The following CTNNA2 variants were observed in gnomAD, a reference collection of about 807,000 sequenced individuals.
The protein encoded by CTNNA2 is catenin alpha-2.
A neutral mutation model predicts 101.0 loss-of-function variants in CTNNA2; 42 were observed. The ratio of observed to expected loss-of-function variants is 0.42; its 90% CI spans 0.32 to 0.54. The LOEUF (loss-of-function observed/expected upper bound fraction) is 0.54, where lower values mean the gene tolerates loss of function less well. CTNNA2 is among the 20% of genes least tolerant of loss of function. The probability of loss-of-function intolerance (pLI) is 0.14; values close to 1 mark genes in which losing one functional copy is unlikely to be tolerated. For synonymous variants in CTNNA2, 450 were observed against 456.4 expected, an observed-to-expected ratio of 0.99 and a Z score of 0.18; for missense variants, 871 against 1,223.1, an observed-to-expected ratio of 0.71 and a Z score of 4.29.
chr2:79,967,114 GCA>G (rs1690125997), intron 7 of CTNNA2, among the ~76,000 whole-genome samples: 1 of 45,054 alleles, frequency 2.2e-5, no homozygotes, highest in Non-Finnish European at 4.8e-5. Flanking sequence ...ACACGCGCAC[GCA>G]CGTGTGTGTG....
At chr2:80,043,154 C>A in intron 7 of CTNNA2, among the ~76,000 whole-genome samples, 1 of 80,800 alleles carries the variant, frequency 1.2e-5, no homozygotes, top group African/African-American at 4.9e-5. Context: ...TCCTTCCTTC[C>A]TTCCTTCCTT....
chr2:80,577,988 A>G (rs566933423), intron 13 of CTNNA2, among the ~76,000 whole-genome samples: 3 of 152,302 alleles, frequency 2.0e-5, no homozygotes, highest in African/African-American at 7.2e-5. Context: ...AGGTGAAATG[A>G]CTGAATCCTT....
chr2:79,292,198 T>G (rs976957569), intron 2 of CTNNA2, among the ~76,000 whole-genome samples: 4 of 152,328 alleles, frequency 2.6e-5, no homozygotes, highest in Admixed American at 2.6e-4. Context: ...GAATGGCTGC[T>G]CACCTCCATA....
intron 18 of CTNNA2, among the ~76,000 whole-genome samples, chr2:80,640,548 T>C (rs893189008): frequency 2.0e-5 from 3 of 152,328 alleles, no homozygotes; most frequent in East Asian, 1.9e-4. Flanking sequence ...CCCTGGACTT[T>C]CTAGAGGTTT....
intron 2 of CTNNA2, among the ~76,000 whole-genome samples, chr2:79,204,689 G>T (rs898450609): frequency 7.2e-5 from 11 of 152,292 alleles, no homozygotes; most frequent in African/African-American, 2.6e-4. Context: ...TGGAGGCTGG[G>T]ATGTCCAAGA....
chr2:80,555,570 A>G (rs2149659320), intron 11 of CTNNA2, 123 bp from the exon 12 acceptor site: 1 of 479,596 alleles, frequency 2.1e-6, no homozygotes, highest in East Asian at 3.2e-5. Context: ...ATACAATTTT[A>G]GTATTATTAG....
chr2:79,976,708 C>T (rs138414792), intron 7 of CTNNA2, among the ~76,000 whole-genome samples: 5 of 152,266 alleles, frequency 3.3e-5, no homozygotes, highest in African/African-American at 4.8e-5. Context: ...AAATTTAATA[C>T]GTTCTTCCAA....
intron 9 of CTNNA2, among the ~76,000 whole-genome samples, chr2:80,519,781 G>T (rs536246107): frequency 6.6e-6 from 1 of 152,272 alleles, no homozygotes; most frequent in South Asian, 2.1e-4. Flanking sequence ...AGTAGTTTGG[G>T]AATAGCTCTA....
intron 6 of CTNNA2, among the ~76,000 whole-genome samples, chr2:79,882,417 A>G (rs1016308946): frequency 6.6e-6 from 1 of 152,138 alleles, no homozygotes; most frequent in African/African-American, 2.4e-5. Flanking sequence ...TGGAGTTATT[A>G]GAGTTGCTGC....
At chr2:80,342,552 T>A (rs1978982) in intron 7 of CTNNA2, among the ~76,000 whole-genome samples, 42,448 of 152,120 alleles carry the variant, frequency 0.28, 6,559 homozygotes, top group East Asian at 0.51. Context: ...TGAAGAGTTT[T>A]ATTTTTTCCT....
intron 7 of CTNNA2, among the ~76,000 whole-genome samples, chr2:80,349,435 C>T (rs917901164): frequency 6.6e-6 from 1 of 152,012 alleles, no homozygotes; most frequent in Non-Finnish European, 1.5e-5. Context: ...TGCTGAAACC[C>T]TAGGAAAGCC....
intron 7 of CTNNA2, among the ~76,000 whole-genome samples, chr2:80,332,324 C>G (rs145686570): frequency 6.6e-6 from 1 of 152,120 alleles, no homozygotes; most frequent in Non-Finnish European, 1.5e-5. Context: ...AAGCTGGCAG[C>G]CTCTGGATCT....
At chr2:80,354,970 G>A (rs1259316779) in intron 7 of CTNNA2, among the ~76,000 whole-genome samples, 1 of 152,080 alleles carries the variant, frequency 6.6e-6, no homozygotes, top group Non-Finnish European at 1.5e-5. Flanking sequence ...CCTTGTACAG[G>A]GAGTGCACTT....
chr2:79,215,907 A>G (rs2104210397), intron 2 of CTNNA2, among the ~76,000 whole-genome samples: 1 of 152,184 alleles, frequency 6.6e-6, no homozygotes, highest in East Asian at 1.9e-4. Flanking sequence ...GAGAGGTCAG[A>G]TGGGTCAGTA....
At chr2:80,412,396 T>C (rs944161621) in intron 8 of CTNNA2, among the ~76,000 whole-genome samples, 14 of 152,214 alleles carry the variant, frequency 9.2e-5, no homozygotes, top group Middle Eastern at 3.2e-3. Flanking sequence ...AAATAGTAAA[T>C]TACAGCTGTG....
chr2:80,555,956 A>G, intron 12 of CTNNA2, 63 bp downstream of exon 12: 2 of 1,150,424 alleles, frequency 1.7e-6, no homozygotes, highest in Non-Finnish European at 2.4e-6. Flanking sequence ...ATAACTGAAT[A>G]AATCTGTTTC....
At chr2:79,706,034 G>A (rs559437148) in intron 2 of CTNNA2, among the ~76,000 whole-genome samples, 25 of 152,188 alleles carry the variant, frequency 1.6e-4, no homozygotes, top group African/African-American at 5.1e-4. Context: ...CCAGAGGCAT[G>A]GAAGAGCCGA....
chr2:80,088,433 T>G (rs2148816263), intron 7 of CTNNA2, among the ~76,000 whole-genome samples: 1 of 152,190 alleles, frequency 6.6e-6, no homozygotes, highest in East Asian at 1.9e-4. Context: ...AGCCTAAGGC[T>G]GTCTTGTCCC....
At chr2:80,168,244 C>G (rs947421303) in intron 7 of CTNNA2, among the ~76,000 whole-genome samples, 16 of 152,246 alleles carry the variant, frequency 1.1e-4, no homozygotes, top group African/African-American at 3.9e-4. Context: ...AGTTCAAGGA[C>G]ATGATCCTGG....
Sources: allele counts gnomAD v4.1 joint callset (sites outside exome capture counted in the v4.1 genomes callset), GRCh38; gene constraint gnomAD v4.1.1; transcripts MANE v1.5; gene names NCBI Gene and HGNC (gene_info 2026-07-23, HGNC 2026-07-21).